The following DOCK9 variants were observed in gnomAD, a reference collection of about 807,000 sequenced individuals.
DOCK9 encodes the protein dedicator of cytokinesis 9, also known as dedicator of cytokinesis protein 9.
DOCK9 carries 89 observed loss-of-function variants against 263.3 expected under a neutral mutation model. The ratio of observed to expected loss-of-function variants is 0.34; its 90% CI spans 0.28 to 0.40. The LOEUF (loss-of-function observed/expected upper bound fraction) is 0.40, where lower values mean the gene tolerates loss of function less well. DOCK9 is among the 10% of genes least tolerant of loss of function. DOCK9 has a pLI of 1.00. For synonymous variants in DOCK9, 976 were observed against 973.1 expected, an observed-to-expected ratio of 1.00 and a Z score of -0.06; for missense variants, 2,140 against 2,603.4, an observed-to-expected ratio of 0.82 and a Z score of 3.87.
intron 7 of DOCK9, among the ~76,000 whole-genome samples, chr13:98,919,254 C>T (rs1371039722): frequency 4.6e-5 from 7 of 152,078 alleles, no homozygotes; most frequent in Non-Finnish European, 8.8e-5. Context: ...GGATTACACG[C>T]ACCCACCACC....
chr13:99,018,066 T>G (rs1885643399), intron 1 of DOCK9, among the ~76,000 whole-genome samples: 1 of 151,936 alleles, frequency 6.6e-6, no homozygotes, highest in South Asian at 2.1e-4. Context: ...AAAAAAACAA[T>G]AAGAGAGAAT....
At chr13:98,876,337 T>C (rs540295906) in intron 27 of DOCK9, among the ~76,000 whole-genome samples, 53 of 152,206 alleles carry the variant, frequency 3.5e-4, no homozygotes, top group African/African-American at 1.0e-3. Flanking sequence ...ATTAAAAATA[T>C]AAAATTAGCT....
chr13:98,922,019 A>G, intron 6 of DOCK9, 32 bp downstream of exon 6: 1 of 1,525,580 alleles, frequency 6.6e-7, no homozygotes, highest in Non-Finnish European at 8.9e-7. Context: ...AGGGCTTGTG[A>G]GAGGGGAGGG....
At chr13:98,919,563 C>CTGG (rs1185911850) in intron 7 of DOCK9, among the ~76,000 whole-genome samples, 18 of 152,356 alleles carry the variant, frequency 1.2e-4, no homozygotes, top group Non-Finnish European at 2.1e-4. Context: ...CTGATGTGAT[C>CTGG]AGCCATCATG....
chr13:98,838,789 G>A (rs1412537515), intron 38 of DOCK9, among the ~76,000 whole-genome samples: 3 of 152,150 alleles, frequency 2.0e-5, no homozygotes, highest in Non-Finnish European at 2.9e-5. Flanking sequence ...AAATTAAAGC[G>A]ACGCCTCATT....
chr13:99,050,562 G>A (rs891106208), intron 1 of DOCK9, among the ~76,000 whole-genome samples: 6 of 152,092 alleles, frequency 3.9e-5, no homozygotes, highest in Admixed American at 6.6e-5. Context: ...ACGTGGTGGC[G>A]GGCGCCTGTA....
rs758058644 is a variant in DOCK9, at chr13:98,902,443, G to A, written c.1225C>T (p.Arg409Trp). Residue 409 changes from arginine (R) to tryptophan (W), a missense_variant, in exon 12 of 53, where the codon CGG (arginine) becomes TGG (tryptophan). Physicochemically the swap from Arg to Trp is moderately radical, Grantham distance 101 (BLOSUM62 -3). Coordinates refer to ENST00000682017, the MANE Select transcript of DOCK9 (RefSeq NM_001366683.2). ...ACGTGGAAATCGGCAGAAATCTTCC[G>A]GTTGTATTTTATGTCAAACAGGGAT... ...TLSLFDIKYN[R>W]KISADFHVDL... 34 of 1,613,800 alleles carry A rather than the reference G, an allele frequency of 2.1e-5. No homozygotes were observed. Among genetic ancestry groups the A allele is most frequent in the South Asian group, 5.5e-5 (5 of 91,078 alleles).
At chr13:98,834,110 T>C (rs1425781567) in intron 39 of DOCK9, among the ~76,000 whole-genome samples, 2 of 152,240 alleles carry the variant, frequency 1.3e-5, no homozygotes, top group African/African-American at 4.8e-5. Context: ...ATTCTCTGTC[T>C]TGGATTCAGG....
rs189862784 is a variant in DOCK9 at position 98,927,712 on chromosome 13, C to A, written c.334-1793G>T. On this transcript the variant is annotated intron_variant, in intron 3 of 52. Coordinates refer to ENST00000682017, the MANE Select transcript of DOCK9 (RefSeq NM_001366683.2). ...CTTGGCTCACTGCAACCTCTGCCTC[C>A]CGGGTTCAAGCGATTCTCCTACCTC... Among the ~76,000 whole-genome samples the A allele has an allele frequency of 5.0e-3, 764 of 151,970 alleles. 3 individuals carry two copies. The highest frequency in any genetic ancestry group is 7.7e-3 in the Non-Finnish European group (523 of 67,976).
intron 27 of DOCK9, 116 bp from the exon 28 acceptor site, chr13:98,868,493 G>C: frequency 8.2e-7 from 1 of 1,214,826 alleles, no homozygotes; most frequent in Non-Finnish European, 1.1e-6. Context: ...GCTGGGTGCT[G>C]TGGCTCACAC....
intron 38 of DOCK9, among the ~76,000 whole-genome samples, chr13:98,841,844 T>C (rs1175597218): frequency 1.3e-5 from 2 of 152,106 alleles, no homozygotes; most frequent in Non-Finnish European, 2.9e-5. Context: ...GGTTTCACCA[T>C]GTTGTCCAGG....
chr13:98,976,236 G>A (rs184645712), intron 1 of DOCK9, among the ~76,000 whole-genome samples: 122 of 152,284 alleles, frequency 8.0e-4, no homozygotes, highest in African/African-American at 2.8e-3. Context: ...CCCACCAAAT[G>A]CAGCTGTAGC....
intron 1 of DOCK9, among the ~76,000 whole-genome samples, chr13:99,030,332 C>A (rs1887198783): frequency 6.6e-6 from 1 of 152,180 alleles, no homozygotes; most frequent in Admixed American, 6.5e-5. Context: ...CCACAATGCA[C>A]TGACATACAA....
chr13:98,867,419 G>C lies in DOCK9; in HGVS notation c.3286+6C>G, dbSNP rs771858428. ...GAAAAGGTTAATAGAAATAAAGATGGATTACCTTGGTATCTTTGAATCCTG... is the reference window on the plus strand; with the variant it reads ...GAAAAGGTTAATAGAAATAAAGATGCATTACCTTGGTATCTTTGAATCCTG... On this transcript the variant is annotated splice_donor_region_variant and intron_variant, in intron 30 of 52. Transcript: ENST00000682017. The C allele has an allele frequency of 1.4e-6, 2 of 1,476,014 alleles. No individual in the cohort carries two copies. Among genetic ancestry groups the C allele is most frequent in the South Asian group, 2.4e-5 (2 of 84,970 alleles). 91.4% of individuals were successfully genotyped at this position (1,476,014 alleles called of 1,614,324 possible).
At chr13:98,796,074 G>A (rs2139760793) in intron 52 of DOCK9, 1 of 666,672 alleles carries the variant, frequency 1.5e-6, no homozygotes, top group East Asian at 3.1e-5. Flanking sequence ...TTTTTAAAAT[G>A]TCCAGAAGAG....
At chr13:98,975,973 T>C (rs985995882) in intron 1 of DOCK9, among the ~76,000 whole-genome samples, 2 of 152,230 alleles carry the variant, frequency 1.3e-5, no homozygotes, top group Non-Finnish European at 2.9e-5. Context: ...TGTTGAACTC[T>C]TGTTTGCCAG....
chr13:98,827,915 A>G (rs747365981), intron 43 of DOCK9, among the ~76,000 whole-genome samples: 2 of 152,204 alleles, frequency 1.3e-5, no homozygotes, highest in Non-Finnish European at 2.9e-5. Flanking sequence ...GCCAAAATTC[A>G]TGGCCTCCCT....
chr13:99,025,663 C>T (rs1406878149), intron 1 of DOCK9, among the ~76,000 whole-genome samples: 2 of 152,200 alleles, frequency 1.3e-5, no homozygotes, highest in African/African-American at 2.4e-5. Flanking sequence ...GATGGTTAAA[C>T]CCAGGTTACC....
chr13:99,060,968 C>T (rs1392387788), intron 1 of DOCK9, among the ~76,000 whole-genome samples: 1 of 152,226 alleles, frequency 6.6e-6, no homozygotes, highest in Non-Finnish European at 1.5e-5. Context: ...TGAGCCTTCA[C>T]TTTCCCTTTA....
Sources: gnomAD v4.1 joint callset for allele counts (sites outside exome capture counted in the v4.1 genomes callset) on GRCh38, gnomAD v4.1.1 for gene constraint, MANE v1.5 for transcripts, NCBI Gene and HGNC (gene_info 2026-07-23, HGNC 2026-07-21) for gene names.